The following XXYLT1 variants were observed in gnomAD, a reference collection of about 807,000 sequenced individuals.
XXYLT1 encodes UDP-xylose:alpha-xyloside alpha-1,3-xylosyltransferase.
In XXYLT1, 20 loss-of-function variants were observed where a neutral mutation model predicts 28.9. The ratio of observed to expected loss-of-function variants is 0.69; its 90% CI spans 0.49 to 1.00. XXYLT1 has a LOEUF of 1.00. Among genes scored for constraint, XXYLT1 ranks in the 50% least tolerant of loss-of-function variants. The pLI, the probability that XXYLT1 is intolerant of heterozygous loss-of-function variation, is 0.00. For synonymous variants in XXYLT1, 257 were observed against 253.8 expected, an observed-to-expected ratio of 1.01 and a Z score of -0.12; for missense variants, 542 against 560.1, an observed-to-expected ratio of 0.97 and a Z score of 0.33.
At chr3:195,207,832 C>T (rs911084301) in intron 2 of XXYLT1, among the ~76,000 whole-genome samples, 52 of 152,348 alleles carry the variant, frequency 3.4e-4, no homozygotes, top group African/African-American at 1.2e-3. Flanking sequence ...CCCTCTCACT[C>T]GTGTGGCTGC....
At chr3:195,110,369 G>C (rs1480196284) in intron 3 of XXYLT1, among the ~76,000 whole-genome samples, 1 of 99,720 alleles carries the variant, frequency 1.0e-5, no homozygotes, top group African/African-American at 4.1e-5. Context: ...GTGCGTGCGT[G>C]TGTGCTGTAT....
In XXYLT1 at chr3:195,076,948, G is replaced by A. The variant is rs542345994; in HGVS notation, c.786-6837C>T. ...CAAAAGGTGACACTCAGAAGTGCTG[G>A]GGGCTAGGATTTCTGCAGAGGAATT... On this transcript the variant is annotated intron_variant, in intron 3 of 3. Transcript: ENST00000310380. This position sits in a 1 kb window ranked among gnomAD's most constrained non-coding sequence, Gnocchi z 5.3. 3.7e-4 allele frequency among the ~76,000 whole-genome samples: 57 copies of A among 152,290 alleles called. 1 individual carries two copies. In the South Asian group the frequency reaches 0.011, roughly 30 times the overall value.
At chr3:195,208,601 A>G (rs535834857) in intron 2 of XXYLT1, among the ~76,000 whole-genome samples, 1 of 152,370 alleles carries the variant, frequency 6.6e-6, no homozygotes, top group East Asian at 1.9e-4. Flanking sequence ...CTGCAGGAAC[A>G]GAAAAGCACA....
At chr3:195,142,538 T>C (rs1180849646) in intron 3 of XXYLT1, among the ~76,000 whole-genome samples, 2 of 152,156 alleles carry the variant, frequency 1.3e-5, no homozygotes, top group South Asian at 2.1e-4. Flanking sequence ...TTTCTATTAG[T>C]CAACTGAAAA....
intron 2 of XXYLT1, among the ~76,000 whole-genome samples, chr3:195,177,409 A>G (rs1234005247): frequency 2.0e-5 from 3 of 152,168 alleles, no homozygotes; most frequent in Non-Finnish European, 4.4e-5. Context: ...AGGACTTACT[A>G]GAAGATAGAG....
intron 1 of XXYLT1, among the ~76,000 whole-genome samples, chr3:195,243,101 A>T (rs1403301863): frequency 6.6e-6 from 1 of 152,174 alleles, no homozygotes; most frequent in Non-Finnish European, 1.5e-5. Context: ...TCAGCAAACT[A>T]TCGCAAGGAC....
chr3:195,222,198 C>A (rs533971131), intron 2 of XXYLT1, among the ~76,000 whole-genome samples: 1 of 152,254 alleles, frequency 6.6e-6, no homozygotes, highest in African/African-American at 2.4e-5. Context: ...TGGGTGTCCA[C>A]ATCTGGACAT....
At chr3:195,132,670 T>C (rs1456872108) in intron 3 of XXYLT1, among the ~76,000 whole-genome samples, 2 of 152,194 alleles carry the variant, frequency 1.3e-5, no homozygotes, top group Non-Finnish European at 2.9e-5. Flanking sequence ...TGGATACACC[T>C]AATCAGAGCT....
In XXYLT1 at chr3:195,201,167, C is replaced by A. The variant is rs189789482; in HGVS notation, c.652+25542G>T. Among the ~76,000 whole-genome samples, 13 of 152,292 alleles carry A rather than the reference C, an allele frequency of 8.5e-5. No homozygotes were observed. In the East Asian group the frequency reaches 2.1e-3, roughly 25 times the overall value. On this transcript the variant is annotated intron_variant, in intron 2 of 3. Coordinates refer to ENST00000310380, the MANE Select transcript of XXYLT1 (RefSeq NM_152531.5). ...CCACTGGCCTGGATAACCACAAGCACCTCTCCCAGAATCTTCTAAGAAGTC... is the reference window on the plus strand; with the variant it reads ...CCACTGGCCTGGATAACCACAAGCAACTCTCCCAGAATCTTCTAAGAAGTC...
At chr3:195,146,079 G>A (rs1719829070) in intron 3 of XXYLT1, among the ~76,000 whole-genome samples, 1 of 152,194 alleles carries the variant, frequency 6.6e-6, no homozygotes. Flanking sequence ...CAGAGGGATG[G>A]GAACTTCAGA....
chr3:195,266,983 T>A (rs888999083), intron 1 of XXYLT1, among the ~76,000 whole-genome samples: 4 of 152,384 alleles, frequency 2.6e-5, no homozygotes, highest in Admixed American at 2.6e-4. Flanking sequence ...TGTTCACAGA[T>A]AATAAACTAA....
rs1260573212 is a variant in XXYLT1, at chr3:195,110,238, G to A, written c.786-40127C>T. Among the ~76,000 whole-genome samples, 2 of 38,872 alleles carry A rather than the reference G, an allele frequency of 5.1e-5. 1 individual carries two copies. Among genetic ancestry groups the A allele is most frequent in the African/African-American group, 1.6e-4 (2 of 12,536 alleles). 25.5% of individuals were successfully genotyped at this position (38,872 alleles called of 152,430 possible). ...CGTGTGTGGTGTATAAGTGTGTGGT[G>A]TGCGTGTGTGGGTGAAGTGTGTGTG... is the stretch of plus-strand genomic sequence containing the variant. On this transcript the variant is annotated intron_variant, in intron 3 of 3. Transcript: ENST00000310380.
Position 195,072,880 on chromosome 3 carries a change from G to A in XXYLT1, c.786-2769C>T, listed in dbSNP as rs73074240. On this transcript the variant is annotated intron_variant, in intron 3 of 3. Coordinates refer to ENST00000310380, the MANE Select transcript of XXYLT1 (RefSeq NM_152531.5). Reference sequence around the variant, plus strand: ...CTCGTAGAGGAATCGCATCAGCCTCGGGGTAGAAGGAATGGTACGGGGTGT... The same window carrying A: ...CTCGTAGAGGAATCGCATCAGCCTCAGGGTAGAAGGAATGGTACGGGGTGT... 5.9e-3 allele frequency among the ~76,000 whole-genome samples: 897 copies of A among 152,284 alleles called. 7 individuals are homozygous for A. The highest frequency in any genetic ancestry group is 0.041 in the Middle Eastern group (12 of 294).
intron 2 of XXYLT1, chr3:195,207,577 C>T (rs1325863505): frequency 4.7e-6 from 2 of 427,562 alleles, no homozygotes; most frequent in Non-Finnish European, 9.5e-6. Context: ...AAAGGTGCCG[C>T]CTCCTTGGCA....
chr3:195,242,287 G>C (rs752535501), intron 1 of XXYLT1, among the ~76,000 whole-genome samples: 1 of 152,154 alleles, frequency 6.6e-6, no homozygotes, highest in South Asian at 2.1e-4. Flanking sequence ...CTTCCACATA[G>C]GACTTACTCT....
chr3:195,207,256 G>T (rs550675955), intron 2 of XXYLT1, among the ~76,000 whole-genome samples: 53 of 152,280 alleles, frequency 3.5e-4, no homozygotes, highest in African/African-American at 1.2e-3. Context: ...ACACACAGTT[G>T]GTGGCACTGC....
intron 3 of XXYLT1, among the ~76,000 whole-genome samples, chr3:195,074,642 C>T (rs555262414): frequency 6.6e-6 from 1 of 152,336 alleles, no homozygotes; most frequent in East Asian, 1.9e-4. Context: ...GCTCTCCGGA[C>T]ACCCTGCGCC....
chr3:195,117,047 T>G (rs765710578), intron 3 of XXYLT1, among the ~76,000 whole-genome samples: 3 of 151,892 alleles, frequency 2.0e-5, no homozygotes, highest in Non-Finnish European at 2.9e-5. Context: ...GTACTATTAA[T>G]GGAAGTGAGA....
chr3:195,221,218 A>G (rs1577163803), intron 2 of XXYLT1, among the ~76,000 whole-genome samples: 2 of 152,210 alleles, frequency 1.3e-5, no homozygotes, highest in East Asian at 3.9e-4. Context: ...CAAGTTGGAG[A>G]AAATTTCACA....
Sources: gnomAD v4.1 joint callset for allele counts (sites outside exome capture counted in the v4.1 genomes callset) on GRCh38, gnomAD v4.1.1 for gene constraint, Gnocchi (gnomAD v3.1) non-coding constraint, MANE v1.5 for transcripts, NCBI Gene and HGNC (gene_info 2026-07-23, HGNC 2026-07-21) for gene names.